Variants in GALNTL6 observed in about 807,000 individuals in gnomAD.
The protein encoded by GALNTL6 is polypeptide N-acetylgalactosaminyltransferase-like 6.
Under a neutral mutation model 73.7 loss-of-function variants are expected in GALNTL6, and 46 were observed. The ratio of observed to expected loss-of-function variants is 0.62; its 90% CI spans 0.49 to 0.80. The LOEUF is 0.80. Among genes scored for constraint, GALNTL6 ranks in the 30% least tolerant of loss-of-function variants. The pLI is 0.00. For missense variants in GALNTL6, 604 were observed against 755.0 expected, an observed-to-expected ratio of 0.80 and a Z score of 2.34; for synonymous variants, 259 against 263.7, an observed-to-expected ratio of 0.98 and a Z score of 0.17.
At chr4:172,888,792 G>A (rs1745864257) in intron 8 of GALNTL6, among the ~76,000 whole-genome samples, 1 of 152,108 alleles carries the variant, frequency 6.6e-6, no homozygotes, top group African/African-American at 2.4e-5. Context: ...CTAATTCTGT[G>A]AAAAACGACA....
At chr4:172,305,250 A>G (rs1381010410) in intron 3 of GALNTL6, among the ~76,000 whole-genome samples, 1 of 152,208 alleles carries the variant, frequency 6.6e-6, no homozygotes, top group African/African-American at 2.4e-5. Context: ...GAAAATTAAC[A>G]TAAATTACAT....
At chr4:172,387,853 T>A (rs984355515) in intron 5 of GALNTL6, among the ~76,000 whole-genome samples, 1 of 152,180 alleles carries the variant, frequency 6.6e-6, no homozygotes, top group African/African-American at 2.4e-5. Context: ...TCTGTTTTTT[T>A]GCTCATGCTG....
intron 10 of GALNTL6, among the ~76,000 whole-genome samples, chr4:172,977,390 C>T (rs1750864597): frequency 2.0e-5 from 3 of 152,188 alleles, no homozygotes; most frequent in Admixed American, 6.5e-5. Flanking sequence ...TGAACAACTC[C>T]TCACATTCTT....
At chr4:172,585,109 GAA>G (rs56223227) in intron 5 of GALNTL6, among the ~76,000 whole-genome samples, 2 of 150,344 alleles carry the variant, frequency 1.3e-5, no homozygotes, top group East Asian at 1.9e-4. Context: ...TCATGAACTA[GAA>G]AAAAAAAACA....
chr4:172,719,107 A>G (rs1163925637), intron 5 of GALNTL6, among the ~76,000 whole-genome samples: 1 of 152,234 alleles, frequency 6.6e-6, no homozygotes, highest in Non-Finnish European at 1.5e-5. Context: ...TAATTGCTTA[A>G]TAATGTATAC....
intron 5 of GALNTL6, among the ~76,000 whole-genome samples, chr4:172,676,216 G>A (rs974174646): frequency 1.3e-5 from 2 of 152,072 alleles, no homozygotes; most frequent in Non-Finnish European, 2.9e-5. Context: ...AATTAACAAA[G>A]GAATACAAGG....
chr4:172,536,535 A>C (rs1325506798), intron 5 of GALNTL6, among the ~76,000 whole-genome samples: 1 of 152,198 alleles, frequency 6.6e-6, no homozygotes, highest in Admixed American at 6.5e-5. Context: ...TGTTTTAGCA[A>C]AGAGAATAGC....
intron 5 of GALNTL6, among the ~76,000 whole-genome samples, chr4:172,397,641 G>A (rs979577769): frequency 4.6e-5 from 7 of 151,554 alleles, no homozygotes; most frequent in South Asian, 4.2e-4. Flanking sequence ...GCAGTGGTGC[G>A]GTCTCTGCTC....
chr4:172,286,623 A>C (rs905231329), intron 3 of GALNTL6, among the ~76,000 whole-genome samples: 4 of 152,214 alleles, frequency 2.6e-5, no homozygotes, highest in Non-Finnish European at 5.9e-5. Context: ...AATTATATAA[A>C]GAGTTTGATG....
chr4:172,536,526 G>A (rs563253968), intron 5 of GALNTL6, among the ~76,000 whole-genome samples: 1 of 152,298 alleles, frequency 6.6e-6, no homozygotes, highest in South Asian at 2.1e-4. Flanking sequence ...CTCTTGCTAT[G>A]TTTTAGCAAA....
chr4:172,930,364 C>T (rs1561039918), intron 8 of GALNTL6, among the ~76,000 whole-genome samples: 1 of 151,520 alleles, frequency 6.6e-6, no homozygotes, highest in Non-Finnish European at 1.5e-5. Context: ...GAGAATGCAA[C>T]TCTGATTTTT....
At chr4:172,062,057 C>T (rs1005717833) in intron 2 of GALNTL6, among the ~76,000 whole-genome samples, 2 of 148,170 alleles carry the variant, frequency 1.3e-5, no homozygotes, top group African/African-American at 2.5e-5. Flanking sequence ...TCAAACGATT[C>T]TCCTGCCGCA....
At chr4:172,584,674 T>C (rs1737332888) in intron 5 of GALNTL6, among the ~76,000 whole-genome samples, 1 of 152,204 alleles carries the variant, frequency 6.6e-6, no homozygotes, top group African/African-American at 2.4e-5. Context: ...AACATCATAG[T>C]GAAACTGATT....
At chr4:172,966,399 CT>C (rs561306473) in intron 10 of GALNTL6, among the ~76,000 whole-genome samples, 3,006 of 142,844 alleles carry the variant, frequency 0.021, 89 homozygotes, top group African/African-American at 0.066. Context: ...GGGAGTCGAT[CT>C]TTTTTTTTTT....
At chr4:172,759,328 A>G (rs1737932570) in intron 5 of GALNTL6, among the ~76,000 whole-genome samples, 1 of 152,208 alleles carries the variant, frequency 6.6e-6, no homozygotes, top group African/African-American at 2.4e-5. Flanking sequence ...GGTAGGTGTG[A>G]CCATGTTCAT....
At chr4:172,351,472 A>C (rs1178316999) in intron 5 of GALNTL6, among the ~76,000 whole-genome samples, 1 of 152,178 alleles carries the variant, frequency 6.6e-6, no homozygotes, top group Admixed American at 6.6e-5. Context: ...AGTGTTTAGC[A>C]GAATCCTTTT....
intron 2 of GALNTL6, among the ~76,000 whole-genome samples, chr4:172,135,422 AG>A (rs1733612389): frequency 6.6e-6 from 1 of 151,872 alleles, no homozygotes; most frequent in Non-Finnish European, 1.5e-5. Context: ...AGAGAGAGAG[AG>A]AGAGAAAGAG....
intron 5 of GALNTL6, among the ~76,000 whole-genome samples, chr4:172,376,580 C>T (rs1000385429): frequency 2.6e-5 from 4 of 151,854 alleles, no homozygotes; most frequent in South Asian, 2.1e-4. Context: ...CTGGCAGCCA[C>T]GCTAGTCGCT....
intron 12 of GALNTL6, among the ~76,000 whole-genome samples, chr4:173,031,087 G>A (rs1202591012): frequency 3.3e-5 from 5 of 152,098 alleles, no homozygotes; most frequent in Non-Finnish European, 5.9e-5. Flanking sequence ...TGGCCCCACT[G>A]TGGATGCTGG....
Sources: gnomAD v4.1 joint callset for allele counts (sites outside exome capture counted in the v4.1 genomes callset) on GRCh38, gnomAD v4.1.1 for gene constraint, MANE v1.5 for transcripts, NCBI Gene and HGNC (gene_info 2026-07-23, HGNC 2026-07-21) for gene names.